Variants in RAB27B observed in about 807,000 individuals in gnomAD.
The protein encoded by RAB27B is RAB27B, member RAS oncogene family.
Under a neutral mutation model 24.6 loss-of-function variants are expected in RAB27B, and 15 were observed. The observed-to-expected ratio is 0.61, with a 90% CI of 0.41 to 0.94. RAB27B has a LOEUF of 0.94. Among genes scored for constraint, RAB27B ranks in the 40% least tolerant of loss-of-function variants. RAB27B has a pLI of 0.00. For synonymous variants in RAB27B, 105 were observed against 92.5 expected, an observed-to-expected ratio of 1.14 and a Z score of -0.78; for missense variants, 261 against 266.8, an observed-to-expected ratio of 0.98 and a Z score of 0.15.
chr18:54,739,774 C>A (rs1189784622), intron 2 of RAB27B, among the ~76,000 whole-genome samples: 1 of 152,118 alleles, frequency 6.6e-6, no homozygotes, highest in Non-Finnish European at 1.5e-5. Flanking sequence ...TTCCCATCAG[C>A]ATTTCGTATT....
chr18:54,811,910 C>T (rs1909975571), intron 2 of RAB27B, among the ~76,000 whole-genome samples: 1 of 152,086 alleles, frequency 6.6e-6, no homozygotes, highest in Non-Finnish European at 1.5e-5. Flanking sequence ...CACTCAATGC[C>T]CATATTGCAA....
At chr18:54,868,971 A>G (rs1364088142) in intron 1 of RAB27B, among the ~76,000 whole-genome samples, 1 of 152,172 alleles carries the variant, frequency 6.6e-6, no homozygotes, top group African/African-American at 2.4e-5. Flanking sequence ...GAAACAGCAA[A>G]TTTGTGTAGT....
chr18:54,782,357 C>T (rs759758996), intron 2 of RAB27B, among the ~76,000 whole-genome samples: 5 of 152,074 alleles, frequency 3.3e-5, no homozygotes, highest in Admixed American at 6.5e-5. Context: ...ATCGTAAAGC[C>T]AAATAGTATG....
chr18:54,847,560 A>T (rs980980198), intron 1 of RAB27B, among the ~76,000 whole-genome samples: 28 of 152,182 alleles, frequency 1.8e-4, no homozygotes, highest in Admixed American at 1.6e-3. Context: ...CCCTTCTCCA[A>T]GTCCTTGACT....
At chr18:54,738,256 A>G (rs1909961623) in intron 2 of RAB27B, among the ~76,000 whole-genome samples, 1 of 152,164 alleles carries the variant, frequency 6.6e-6, no homozygotes, top group Admixed American at 6.6e-5. Flanking sequence ...AGAGGAGGAA[A>G]TGAATATTTG....
chr18:54,868,604 G>GTTGTTA (rs869207252), intron 1 of RAB27B, among the ~76,000 whole-genome samples: 1 of 1,876 alleles, frequency 5.3e-4, no homozygotes, highest in Admixed American at 0.062. Flanking sequence ...TCTCAGTTTC[G>GTTGTTA]TTGTTGTTGT....
intron 1 of RAB27B, among the ~76,000 whole-genome samples, chr18:54,876,695 T>TAAA (rs1211716894): frequency 2.8e-4 from 42 of 152,192 alleles, no homozygotes; most frequent in Admixed American, 4.6e-4. Context: ...TGTTAAATGT[T>TAAA]TTAAATTAAA....
In RAB27B at chr18:54,833,319, G is replaced by A. The variant is rs372315809; in HGVS notation, c.-20+4619G>A. 2.4e-4 allele frequency among the ~76,000 whole-genome samples: 35 copies of A among 143,242 alleles called. 1 individual carries two copies. The East Asian group carries it at 3.3e-3, about 13-fold the overall frequency. 94.0% of individuals were successfully genotyped at this position (143,242 alleles called of 152,430 possible). On this transcript the variant is annotated intron_variant, in intron 1 of 5. Coordinates refer to ENST00000262094, the MANE Select transcript of RAB27B (RefSeq NM_004163.4). Reference sequence around the variant, plus strand: ...TCAGCTCATTGCAATCTCCCTCCCCGGGGTTCAAGCGATTCTCCCACCTCA... The same window carrying A: ...TCAGCTCATTGCAATCTCCCTCCCCAGGGTTCAAGCGATTCTCCCACCTCA...
intron 1 of RAB27B, among the ~76,000 whole-genome samples, chr18:54,835,935 C>G (rs576716706): frequency 1.7e-4 from 26 of 151,974 alleles, no homozygotes; most frequent in Non-Finnish European, 2.9e-4. Context: ...AGTATTGTTT[C>G]TGAACACGCT....
chr18:54,843,870 T>A (rs1489306812), intron 1 of RAB27B, among the ~76,000 whole-genome samples: 1 of 152,170 alleles, frequency 6.6e-6, no homozygotes, highest in Non-Finnish European at 1.5e-5. Flanking sequence ...ATCATGAATA[T>A]TTGGGCAACG....
chr18:54,837,214 A>C (rs1910929700), intron 1 of RAB27B, among the ~76,000 whole-genome samples: 1 of 152,116 alleles, frequency 6.6e-6, no homozygotes. Flanking sequence ...AAATTTAAGG[A>C]GGTTAAAACT....
intron 2 of RAB27B, among the ~76,000 whole-genome samples, chr18:54,766,103 A>G (rs188176135): frequency 2.6e-5 from 4 of 152,328 alleles, no homozygotes; most frequent in African/African-American, 9.6e-5. Context: ...TTGCCTGAGA[A>G]TTCCTGGAGT....
chr18:54,879,340 C>T (rs1207897486), intron 2 of RAB27B, 29 bp from the exon 3 acceptor site: 3 of 1,560,524 alleles, frequency 1.9e-6, no homozygotes, highest in Admixed American at 1.7e-5. Context: ...TCCAAAGCAA[C>T]CTCAACTAAT....
intron 2 of RAB27B, among the ~76,000 whole-genome samples, chr18:54,765,246 C>T (rs934515504): frequency 2.0e-5 from 3 of 152,102 alleles, no homozygotes; most frequent in African/African-American, 4.8e-5. Flanking sequence ...TCTACCTCAG[C>T]CTCCCAAAAT....
chr18:54,827,171 G>C (rs1910501861), upstream of RAB27B, among the ~76,000 whole-genome samples: 2 of 152,194 alleles, frequency 1.3e-5, no homozygotes, highest in Admixed American at 1.3e-4. Context: ...TACAGGCTGA[G>C]CCTCAAAGAC....
At chr18:54,876,181 C>T (rs534405200) in intron 1 of RAB27B, among the ~76,000 whole-genome samples, 460 of 152,210 alleles carry the variant, frequency 3.0e-3, no homozygotes, top group Non-Finnish European at 5.3e-3. Flanking sequence ...ACCATCAGAT[C>T]TCATGAGAAC....
At chr18:54,797,219 A>G (rs568119870) in intron 2 of RAB27B, among the ~76,000 whole-genome samples, 2 of 152,326 alleles carry the variant, frequency 1.3e-5, no homozygotes, top group East Asian at 3.9e-4. Flanking sequence ...CTTAAAATGC[A>G]AAAGTGGCCG....
chr18:54,799,122 G>A (rs1909516434), intron 2 of RAB27B, among the ~76,000 whole-genome samples: 1 of 152,122 alleles, frequency 6.6e-6, no homozygotes, highest in South Asian at 2.1e-4. Context: ...TAAACTTTGT[G>A]TAATATTAGA....
intron 1 of RAB27B, among the ~76,000 whole-genome samples, chr18:54,858,890 T>A (rs1911897716): frequency 6.6e-6 from 1 of 152,188 alleles, no homozygotes; most frequent in South Asian, 2.1e-4. Context: ...AAACTGGAAG[T>A]GTCAGATACG....
Sources: allele counts gnomAD v4.1 joint callset (sites outside exome capture counted in the v4.1 genomes callset), GRCh38; gene constraint gnomAD v4.1.1; transcripts MANE v1.5; gene names NCBI Gene and HGNC (gene_info 2026-07-23, HGNC 2026-07-21).